The following XXYLT1 variants were observed in gnomAD, a reference collection of about 807,000 sequenced individuals.
The protein encoded by XXYLT1 is UDP-xylose:alpha-xyloside alpha-1,3-xylosyltransferase.
In XXYLT1, 20 loss-of-function variants were observed where a neutral mutation model predicts 28.9. The ratio of observed to expected loss-of-function variants is 0.69; its 90% CI spans 0.49 to 1.00. The LOEUF is 1.00. Ranked by LOEUF, XXYLT1 falls within the 50% of genes least tolerant of loss-of-function variation. The probability of loss-of-function intolerance (pLI) is 0.00; values close to 1 mark genes in which losing one functional copy is unlikely to be tolerated. For synonymous variants in XXYLT1, 257 were observed against 253.8 expected (o/e 1.01, Z -0.12); for missense variants, 542 against 560.1 (o/e 0.97, Z 0.33).
chr3:195,255,301 G>A lies in XXYLT1; in HGVS notation c.504+15254C>T, dbSNP rs1025592594. On this transcript the variant is annotated intron_variant, in intron 1 of 3. Coordinates refer to ENST00000310380, the MANE Select transcript of XXYLT1 (RefSeq NM_152531.5). The surrounding 1 kb of genome is among the most constrained non-coding windows in gnomAD (Gnocchi z 4.5). Reference sequence around the variant, plus strand: ...TGGGGCTGCAGGAGTGCAGAGCCAGGTGGGAGACAGCAGCGGGGTTCCCTA... The same window carrying A: ...TGGGGCTGCAGGAGTGCAGAGCCAGATGGGAGACAGCAGCGGGGTTCCCTA... 6.6e-6 allele frequency among the ~76,000 whole-genome samples: 1 copy of A among 152,330 alleles called. No homozygotes were observed. The highest frequency in any genetic ancestry group is 2.4e-5 in the African/African-American group (1 of 41,586).
At chr3:195,071,434 C>A (rs1367701343) in intron 3 of XXYLT1, among the ~76,000 whole-genome samples, 2 of 152,202 alleles carry the variant, frequency 1.3e-5, no homozygotes, top group East Asian at 1.9e-4. Context: ...CTTCTGGGAA[C>A]GGAGGAACCT....
At chr3:195,264,983 G>A (rs939251229) in intron 1 of XXYLT1, among the ~76,000 whole-genome samples, 4 of 152,052 alleles carry the variant, frequency 2.6e-5, no homozygotes, top group African/African-American at 9.7e-5. Flanking sequence ...CCTAAGCCCA[G>A]GAGTTTGAAG....
At chr3:195,185,085 AGAAG>A (rs10575198) in intron 2 of XXYLT1, among the ~76,000 whole-genome samples, 9,832 of 99,802 alleles carry the variant, frequency 0.099, 539 homozygotes, top group Middle Eastern at 0.16. Context: ...GAAAGAAGGA[AGAAG>A]GAAGGAAGGA....
chr3:195,098,708 C>G (rs1374815677), intron 3 of XXYLT1, among the ~76,000 whole-genome samples: 1 of 152,250 alleles, frequency 6.6e-6, no homozygotes, highest in African/African-American at 2.4e-5. Context: ...TGCTGCAGAG[C>G]CCGTCATCAG....
Position 195,077,370 on chromosome 3 carries a change from C to A in XXYLT1, c.786-7259G>T, listed in dbSNP as rs6798866. On this transcript the variant is annotated intron_variant, in intron 3 of 3. Transcript: ENST00000310380. This position sits in a 1 kb window ranked among gnomAD's most constrained non-coding sequence, Gnocchi z 4.8. ...GGAAGATGCCCCCACTGGGCTGGTCCGGGACTCTGCGCTGACCCTGCCCAG... is the reference window on the plus strand; with the variant it reads ...GGAAGATGCCCCCACTGGGCTGGTCAGGGACTCTGCGCTGACCCTGCCCAG... Among the ~76,000 whole-genome samples the A allele has an allele frequency of 0.025, 3,839 of 152,300 alleles. 147 individuals carry two copies. Among genetic ancestry groups the A allele is most frequent in the African/African-American group, 0.088 (3,649 of 41,562 alleles).
At chr3:195,079,617 G>T (rs148804683) in intron 3 of XXYLT1, among the ~76,000 whole-genome samples, 1 of 152,146 alleles carries the variant, frequency 6.6e-6, no homozygotes. Flanking sequence ...GCTCTAAAAC[G>T]CTTGCCCGAG....
chr3:195,112,080 T>C (rs957490888), intron 3 of XXYLT1, among the ~76,000 whole-genome samples: 2 of 152,222 alleles, frequency 1.3e-5, no homozygotes, highest in African/African-American at 4.8e-5. Flanking sequence ...TACATTGGTA[T>C]ATACCAAATC....
intron 3 of XXYLT1, among the ~76,000 whole-genome samples, chr3:195,082,957 C>G (rs914134640): frequency 6.6e-6 from 1 of 152,212 alleles, no homozygotes; most frequent in African/African-American, 2.4e-5. Flanking sequence ...GGAAGCCCTG[C>G]TCACCCCGTG....
intron 1 of XXYLT1, among the ~76,000 whole-genome samples, chr3:195,253,751 G>A (rs954783812): frequency 1.3e-5 from 2 of 151,902 alleles, no homozygotes; most frequent in Non-Finnish European, 2.9e-5. Flanking sequence ...CGCCCGCCTC[G>A]GCCTCCCAAA....
intron 3 of XXYLT1, among the ~76,000 whole-genome samples, chr3:195,079,097 G>T (rs990639708): frequency 6.6e-6 from 1 of 152,158 alleles, no homozygotes; most frequent in South Asian, 2.1e-4. Context: ...GCATCTCCCG[G>T]CCCCTTACCC....
chr3:195,163,614 T>G (rs986772353), intron 2 of XXYLT1, among the ~76,000 whole-genome samples: 9 of 152,222 alleles, frequency 5.9e-5, no homozygotes, highest in Non-Finnish European at 1.3e-4. Flanking sequence ...GTTTGATCCT[T>G]ACAGCAACCC....
intron 3 of XXYLT1, 22 bp downstream of exon 3, chr3:195,156,427 C>T: frequency 6.2e-7 from 1 of 1,608,110 alleles, no homozygotes. Context: ...GTGGAGGCGG[C>T]CCCCCTGCAG....
At chr3:195,269,275 AC>A (rs1362419115) in intron 1 of XXYLT1, among the ~76,000 whole-genome samples, 9 of 152,358 alleles carry the variant, frequency 5.9e-5, no homozygotes, top group Non-Finnish European at 7.3e-5. Flanking sequence ...TCTACCGTGA[AC>A]TAGTGCAAAG....
intron 3 of XXYLT1, among the ~76,000 whole-genome samples, chr3:195,102,722 A>G (rs1325610990): frequency 1.3e-5 from 2 of 152,122 alleles, no homozygotes; most frequent in African/African-American, 2.4e-5. Flanking sequence ...ATCAACAGAC[A>G]TTTAGGTTCT....
In XXYLT1 at chr3:195,255,253, C is replaced by T. The variant is rs2108846233; in HGVS notation, c.504+15302G>A. Among the ~76,000 whole-genome samples the T allele has an allele frequency of 6.6e-6, 1 of 152,364 alleles. No individual in the cohort carries two copies. The highest frequency in any genetic ancestry group is 2.1e-4 in the South Asian group (1 of 4,832). ...GGAGCCGCCGACCAGGCCTGGAGATCCCTGTGACAGTCACGGCAGGACTGG... is the reference window on the plus strand; with the variant it reads ...GGAGCCGCCGACCAGGCCTGGAGATTCCTGTGACAGTCACGGCAGGACTGG... On this transcript the variant is annotated intron_variant, in intron 1 of 3. Transcript: ENST00000310380. The surrounding 1 kb of genome is among the most constrained non-coding windows in gnomAD (Gnocchi z 4.5).
chr3:195,228,486 CTT>C lies in XXYLT1; in HGVS notation c.505-1632_505-1631del, dbSNP rs897820464. ...GGTTCTGCTTTTGGCCTATATTTCACTTTTTTTTTTTTTTTTTTTTTTGAGAT... is the reference window on the plus strand; with the variant it reads ...GGTTCTGCTTTTGGCCTATATTTCACTTTTTTTTTTTTTTTTTTTTGAGAT... On this transcript the variant is annotated intron_variant, in intron 1 of 3. Transcript: ENST00000310380. Among the ~76,000 whole-genome samples the C allele has an allele frequency of 2.5e-3, 300 of 120,156 alleles. 2 individuals carry two copies. The highest frequency in any genetic ancestry group is 9.1e-3 in the African/African-American group (270 of 29,768). 78.8% of individuals were successfully genotyped at this position (120,156 alleles called of 152,430 possible). A position where few individuals can be genotyped will look rare whatever the true frequency, so the allele number is the denominator to read the frequency against.
At chr3:195,182,149 C>T (rs893726775) in intron 2 of XXYLT1, among the ~76,000 whole-genome samples, 3 of 152,182 alleles carry the variant, frequency 2.0e-5, no homozygotes, top group African/African-American at 4.8e-5. Context: ...TATGTGCTCC[C>T]GGGCAAGTCA....
chr3:195,104,646 A>C (rs1361478263), intron 3 of XXYLT1, among the ~76,000 whole-genome samples: 1 of 152,218 alleles, frequency 6.6e-6, no homozygotes, highest in Non-Finnish European at 1.5e-5. Context: ...GCTGCTGTTC[A>C]GCTGAGGCCA....
chr3:195,112,424 A>G (rs1479273152), intron 3 of XXYLT1, among the ~76,000 whole-genome samples: 1 of 113,802 alleles, frequency 8.8e-6, no homozygotes, highest in Non-Finnish European at 2.1e-5. Flanking sequence ...GCACACACAC[A>G]CATGCACACA....
Sources: gnomAD v4.1 joint callset for allele counts (sites outside exome capture counted in the v4.1 genomes callset) on GRCh38, gnomAD v4.1.1 for gene constraint, Gnocchi (gnomAD v3.1) non-coding constraint, MANE v1.5 for transcripts, NCBI Gene and HGNC (gene_info 2026-07-23, HGNC 2026-07-21) for gene names.